Variants in LRMDA observed in about 807,000 individuals in gnomAD.
LRMDA encodes the protein leucine-rich melanocyte differentiation-associated protein.
A neutral mutation model predicts 29.8 loss-of-function variants in LRMDA; 18 were observed. The observed-to-expected ratio is 0.60, with a 90% CI of 0.42 to 0.90. The LOEUF (loss-of-function observed/expected upper bound fraction) is 0.90, where lower values mean the gene tolerates loss of function less well. Among genes scored for constraint, LRMDA ranks in the 40% least tolerant of loss-of-function variants. The pLI, the probability that LRMDA is intolerant of heterozygous loss-of-function variation, is 0.00. For missense variants in LRMDA, 273 were observed against 273.9 expected (o/e 1.00, Z 0.02); for synonymous variants, 125 against 109.4 (o/e 1.14, Z -0.89).
intron 2 of LRMDA, among the ~76,000 whole-genome samples, chr10:75,617,276 A>G (rs1319169215): frequency 6.6e-6 from 1 of 152,210 alleles, no homozygotes; most frequent in Non-Finnish European, 1.5e-5. Flanking sequence ...GCATAAGGGC[A>G]CATAGGGACG....
chr10:76,053,534 C>A (rs550147679), intron 4 of LRMDA, among the ~76,000 whole-genome samples: 2 of 151,294 alleles, frequency 1.3e-5, no homozygotes, highest in South Asian at 4.2e-4. Flanking sequence ...GTATTACACT[C>A]AGGATTGAAG....
At chr10:75,659,287 T>TA (rs1168989662) in intron 2 of LRMDA, among the ~76,000 whole-genome samples, 1 of 152,220 alleles carries the variant, frequency 6.6e-6, no homozygotes, top group Admixed American at 6.5e-5. Context: ...AGTTTTTGCT[T>TA]AAAACCCAGC....
At chr10:76,424,921 A>G (rs889505879) in intron 6 of LRMDA, among the ~76,000 whole-genome samples, 1 of 152,216 alleles carries the variant, frequency 6.6e-6, no homozygotes, top group Non-Finnish European at 1.5e-5. Flanking sequence ...TCAGGAGTAG[A>G]GTTTTAATCT....
intron 2 of LRMDA, among the ~76,000 whole-genome samples, chr10:75,667,779 G>C (rs920065598): frequency 1.3e-5 from 2 of 152,022 alleles, no homozygotes; most frequent in African/African-American, 4.8e-5. Flanking sequence ...AATATGATCT[G>C]GTCTGAACTC....
chr10:75,518,795 G>T (rs1027294277), intron 2 of LRMDA, among the ~76,000 whole-genome samples: 4 of 152,068 alleles, frequency 2.6e-5, no homozygotes, highest in African/African-American at 9.7e-5. Flanking sequence ...TGTGATGTTA[G>T]GGTGTCGATT....
At chr10:75,493,540 G>T (rs1845012049) in intron 2 of LRMDA, among the ~76,000 whole-genome samples, 1 of 152,084 alleles carries the variant, frequency 6.6e-6, no homozygotes. Context: ...AAGAGTGCTA[G>T]GGAGAAGCTG....
At chr10:75,793,935 C>G (rs542967740) in intron 2 of LRMDA, among the ~76,000 whole-genome samples, 8 of 152,332 alleles carry the variant, frequency 5.3e-5, no homozygotes, top group African/African-American at 1.4e-4. Flanking sequence ...CATGCAGTCT[C>G]TGTCACAACT....
At chr10:76,085,023 G>A (rs1483914953) in intron 5 of LRMDA, among the ~76,000 whole-genome samples, 1 of 152,192 alleles carries the variant, frequency 6.6e-6, no homozygotes, top group African/African-American at 2.4e-5. Flanking sequence ...AGAGATGCGG[G>A]ATGGGATTCA....
intron 2 of LRMDA, among the ~76,000 whole-genome samples, chr10:75,480,393 A>G (rs1319581503): frequency 6.6e-6 from 1 of 150,808 alleles, no homozygotes; most frequent in African/African-American, 2.5e-5. Context: ...AGTGTATTCA[A>G]GGGACACAAA....
intron 2 of LRMDA, among the ~76,000 whole-genome samples, chr10:75,521,448 C>T (rs993269600): frequency 5.3e-5 from 8 of 152,228 alleles, no homozygotes; most frequent in Non-Finnish European, 7.3e-5. Flanking sequence ...ACTGCAGCCT[C>T]GCAGGTCGAT....
intron 6 of LRMDA, among the ~76,000 whole-genome samples, chr10:76,515,492 T>C (rs1043440982): frequency 1.3e-5 from 2 of 152,114 alleles, no homozygotes; most frequent in African/African-American, 4.8e-5. Flanking sequence ...GATTAGACAC[T>C]CTGAATACAC....
chr10:76,403,020 G>A (rs990222853), intron 6 of LRMDA, among the ~76,000 whole-genome samples: 2 of 151,732 alleles, frequency 1.3e-5, no homozygotes, highest in East Asian at 3.9e-4. Context: ...GGCACCTTAT[G>A]GCCCAAACTG....
intron 2 of LRMDA, among the ~76,000 whole-genome samples, chr10:75,816,844 CT>C (rs1275318376): frequency 3.9e-5 from 6 of 152,174 alleles, no homozygotes; most frequent in African/African-American, 1.2e-4. Context: ...TTATGCAAAA[CT>C]TCTCTCAATT....
chr10:76,179,167 A>T (rs1409899625), intron 5 of LRMDA, among the ~76,000 whole-genome samples: 1 of 152,040 alleles, frequency 6.6e-6, no homozygotes, highest in Admixed American at 6.6e-5. Context: ...TGTAGAATGG[A>T]GTTGATGACT....
At chr10:76,397,381 G>T (rs570740310) in intron 6 of LRMDA, among the ~76,000 whole-genome samples, 2 of 152,316 alleles carry the variant, frequency 1.3e-5, no homozygotes, top group African/African-American at 4.8e-5. Flanking sequence ...GGGGGCAGGG[G>T]CCACTAGCAT....
chr10:75,817,567 G>A (rs1844082817), intron 2 of LRMDA, among the ~76,000 whole-genome samples: 1 of 152,178 alleles, frequency 6.6e-6, no homozygotes, highest in African/African-American at 2.4e-5. Flanking sequence ...TATCCCTGAA[G>A]AAAGAGAAGG....
intron 6 of LRMDA, among the ~76,000 whole-genome samples, chr10:76,443,674 A>G (rs948737524): frequency 6.6e-6 from 1 of 152,182 alleles, no homozygotes; most frequent in South Asian, 2.1e-4. Context: ...CCCTCTAGAC[A>G]TGGTAGGTGA....
At chr10:76,492,818 A>AACT (rs1289513008) in intron 6 of LRMDA, among the ~76,000 whole-genome samples, 1 of 152,076 alleles carries the variant, frequency 6.6e-6, no homozygotes, top group African/African-American at 2.4e-5. Flanking sequence ...ATCTCCTGAG[A>AACT]ACTAATTCAC....
At chr10:75,522,356 C>A (rs1403857784) in intron 2 of LRMDA, among the ~76,000 whole-genome samples, 1 of 152,096 alleles carries the variant, frequency 6.6e-6, no homozygotes, top group Non-Finnish European at 1.5e-5. Context: ...ATAGGGGTTG[C>A]AAATTCAGAA....
Sources: allele counts gnomAD v4.1 joint callset (sites outside exome capture counted in the v4.1 genomes callset), GRCh38; gene constraint gnomAD v4.1.1; transcripts MANE v1.5; gene names NCBI Gene and HGNC (gene_info 2026-07-23, HGNC 2026-07-21).